The following TTBK2 variants were observed in gnomAD, a reference collection of about 807,000 sequenced individuals.
The protein encoded by TTBK2 is tau tubulin kinase 2, also known as tau-tubulin kinase 2.
A neutral mutation model predicts 110.8 loss-of-function variants in TTBK2; 28 were observed. That is an observed-to-expected ratio of 0.25 (90% confidence interval 0.19 to 0.35). The LOEUF (loss-of-function observed/expected upper bound fraction) is 0.35. Among genes scored for constraint, TTBK2 ranks in the 10% least tolerant of loss-of-function variants. The pLI, the probability that TTBK2 is intolerant of heterozygous loss-of-function variation, is 1.00. For synonymous variants in TTBK2, 532 were observed against 527.3 expected, an observed-to-expected ratio of 1.01 and a Z score of -0.12; for missense variants, 1,369 against 1,500.3, an observed-to-expected ratio of 0.91 and a Z score of 1.45.
At chr15:42,853,650 C>A (rs1741356935) in intron 3 of TTBK2, among the ~76,000 whole-genome samples, 2 of 152,166 alleles carry the variant, frequency 1.3e-5, no homozygotes, top group South Asian at 4.1e-4. Context: ...AAGGGCCAAA[C>A]AACTTTCTAT....
In TTBK2 at chr15:42,753,196, A is replaced by T. The variant is rs1318501408; in HGVS notation, c.2050T>A (p.Phe684Ile). 2 of 1,612,038 alleles carry T rather than the reference A, an allele frequency of 1.2e-6. No homozygotes were observed. Among genetic ancestry groups the T allele is most frequent in the Non-Finnish European group, 1.7e-6 (2 of 1,179,582 alleles). The stretch of plus-strand genomic sequence containing the variant: ...TTCTCTGGCTGCTGACCACAGTGAA[A>T]GCTTCCTGAAGTTGACTGTGTAGAT... ...VASTQSTSGS[F>I]HCGQQPEKKD... Residue 684 changes from phenylalanine (F) to isoleucine (I), a missense_variant, in exon 14 of 15, where the codon TTT becomes ATT. Phe to Ile is a conservative substitution (Grantham distance 21, BLOSUM62 0). Coordinates refer to ENST00000267890, the MANE Select transcript of TTBK2 (RefSeq NM_173500.4).
intron 9 of TTBK2, among the ~76,000 whole-genome samples, chr15:42,810,321 C>T (rs1427475574): frequency 2.0e-5 from 3 of 152,172 alleles, no homozygotes; most frequent in African/African-American, 7.2e-5. Context: ...ATAATTTCAA[C>T]TGTCAGCAGT....
At chr15:42,760,330 A>G (rs1249014296) in intron 13 of TTBK2, among the ~76,000 whole-genome samples, 1 of 146,296 alleles carries the variant, frequency 6.8e-6, no homozygotes, top group Non-Finnish European at 1.5e-5. Flanking sequence ...GGTTGCAGTG[A>G]GCTGAGATCA....
chr15:42,750,650 G>C (rs559058993), intron 14 of TTBK2, among the ~76,000 whole-genome samples: 1 of 151,942 alleles, frequency 6.6e-6, no homozygotes, highest in South Asian at 2.1e-4. Flanking sequence ...GCACATTGTG[G>C]GAGTTCCAGA....
At chr15:42,843,995 C>T (rs894430524) in intron 3 of TTBK2, among the ~76,000 whole-genome samples, 4 of 152,044 alleles carry the variant, frequency 2.6e-5, no homozygotes, top group African/African-American at 9.7e-5. Flanking sequence ...CCCTGCCCAC[C>T]AAACTATCCT....
chr15:42,840,232 C>T, intron 4 of TTBK2, 128 bp downstream of exon 4: 1 of 852,478 alleles, frequency 1.2e-6, no homozygotes, highest in East Asian at 2.4e-5. Context: ...AAATACAGTT[C>T]CATCTGCATA....
At chr15:42,794,994 G>A (rs146460729) in intron 9 of TTBK2, 193 bp from the exon 10 acceptor site, 86 of 683,722 alleles carry the variant, frequency 1.3e-4, no homozygotes, top group African/African-American at 7.0e-4. Context: ...ATTTTTCTCC[G>A]TTGTGTAGAA....
At chr15:42,898,121 T>C (rs1895739789) in intron 1 of TTBK2, among the ~76,000 whole-genome samples, 1 of 152,176 alleles carries the variant, frequency 6.6e-6, no homozygotes. Flanking sequence ...TAACTGCTTA[T>C]GACGGCCTTC....
At chr15:42,834,915 T>C (rs972420148) in intron 4 of TTBK2, among the ~76,000 whole-genome samples, 1 of 152,122 alleles carries the variant, frequency 6.6e-6, no homozygotes, top group Admixed American at 6.5e-5. Context: ...ACATCAAACA[T>C]GTTAAATCCA....
intron 1 of TTBK2, among the ~76,000 whole-genome samples, chr15:42,904,419 A>T (rs1043732763): frequency 6.6e-6 from 1 of 152,112 alleles, no homozygotes; most frequent in Non-Finnish European, 1.5e-5. Context: ...GATTTACAAT[A>T]AAAAAAATCT....
intron 3 of TTBK2, among the ~76,000 whole-genome samples, chr15:42,846,179 A>AT (rs565621419): frequency 3.3e-5 from 5 of 150,610 alleles, no homozygotes; most frequent in Non-Finnish European, 5.9e-5. Flanking sequence ...TTTTTTCCTA[A>AT]TTTTTTTTCT....
chr15:42,852,795 T>G (rs1893772969), intron 3 of TTBK2, among the ~76,000 whole-genome samples: 1 of 152,056 alleles, frequency 6.6e-6, no homozygotes, highest in Non-Finnish European at 1.5e-5. Flanking sequence ...CACCCTTTGG[T>G]GGAACAATGA....
Position 42,741,974 on chromosome 15 carries a change from T to C in TTBK2, c.*3821A>G, listed in dbSNP as rs2061754336. The C allele has an allele frequency of 6.6e-6, 1 of 152,210 alleles. No individual in the cohort carries two copies. Among genetic ancestry groups the C allele is most frequent in the South Asian group, 2.1e-4 (1 of 4,834 alleles). 9.4% of individuals were successfully genotyped at this position (152,210 alleles called of 1,614,324 possible). A position where few individuals can be genotyped will look rare whatever the true frequency, so the allele number is the denominator to read the frequency against. On this transcript the variant is annotated 3_prime_UTR_variant, in exon 15 of 15. Transcript: ENST00000267890. ...TATCTGTGTCTGGGTTTATAAAACA[T>C]GCACCAATGTACACTTTCTCCTTGT...
At chr15:42,756,653 G>A (rs1268973448) in intron 13 of TTBK2, among the ~76,000 whole-genome samples, 2 of 152,080 alleles carry the variant, frequency 1.3e-5, no homozygotes, top group Non-Finnish European at 2.9e-5. Context: ...AATTTCTACA[G>A]TTCTGAGATT....
At chr15:42,835,696 T>C (rs761369717) in intron 4 of TTBK2, among the ~76,000 whole-genome samples, 3 of 152,108 alleles carry the variant, frequency 2.0e-5, no homozygotes, top group African/African-American at 4.8e-5. Context: ...GATATTTGTG[T>C]TATTATTAAG....
chr15:42,872,535 T>C, intron 3 of TTBK2, 76 bp downstream of exon 3: 2 of 1,533,870 alleles, frequency 1.3e-6, no homozygotes, highest in Non-Finnish European at 8.9e-7. Flanking sequence ...AAGAATGTAA[T>C]TAAGGTTCAG....
At chr15:42,815,952 A>ATATATATATATATAT (rs1328435730) in intron 7 of TTBK2, among the ~76,000 whole-genome samples, 3 of 33,414 alleles carry the variant, frequency 9.0e-5, no homozygotes, top group African/African-American at 5.9e-4. Context: ...ATATATTTAA[A>ATATATATATATATAT]AAAAAAATAT....
intron 4 of TTBK2, among the ~76,000 whole-genome samples, chr15:42,837,226 C>T (rs930458693): frequency 3.3e-5 from 5 of 151,392 alleles, no homozygotes; most frequent in Admixed American, 1.3e-4. Context: ...GGTGTGGCGG[C>T]GCGCACCTGC....
At chr15:42,892,739 G>A (rs1895508710) in intron 1 of TTBK2, among the ~76,000 whole-genome samples, 1 of 148,778 alleles carries the variant, frequency 6.7e-6, no homozygotes, top group Non-Finnish European at 1.5e-5. Flanking sequence ...GCCGGGCACG[G>A]TGGCTCACGC....
Sources: allele counts gnomAD v4.1 joint callset (sites outside exome capture counted in the v4.1 genomes callset), GRCh38; gene constraint gnomAD v4.1.1; transcripts MANE v1.5; gene names NCBI Gene and HGNC (gene_info 2026-07-23, HGNC 2026-07-21).